Variants in EEF1G observed in about 807,000 individuals in gnomAD.
EEF1G encodes eukaryotic translation elongation factor 1 gamma.
In EEF1G, 14 loss-of-function variants were observed where a neutral mutation model predicts 58.3. That is an observed-to-expected ratio of 0.24 (90% CI 0.16 to 0.38). EEF1G has a LOEUF of 0.38. Ranked by LOEUF, EEF1G falls within the 10% of genes least tolerant of loss-of-function variation. The probability of loss-of-function intolerance (pLI) is 1.00; values close to 1 mark genes in which losing one functional copy is unlikely to be tolerated. For missense variants in EEF1G, 322 were observed against 550.1 expected (o/e 0.59, Z 4.15); for synonymous variants, 180 against 206.8 (o/e 0.87, Z 1.11).
At chr11:62,570,919 T>G (rs1941622557) in intron 5 of EEF1G, 46 bp downstream of exon 5, 2 of 1,611,778 alleles carry the variant, frequency 1.2e-6, no homozygotes, top group Non-Finnish European at 1.7e-6. Context: ...ACTTTGTTTC[T>G]AATCCCCATC....
At chr11:62,559,938 T>C in intron 9 of EEF1G, 101 bp from the exon 10 acceptor site, 2 of 1,606,752 alleles carry the variant, frequency 1.2e-6, no homozygotes. Flanking sequence ...AGGTCTCCTG[T>C]GAACATGAAC....
At chr11:62,568,897 C>T (rs921118287) in intron 5 of EEF1G, among the ~76,000 whole-genome samples, 5 of 151,326 alleles carry the variant, frequency 3.3e-5, no homozygotes, top group African/African-American at 1.2e-4. Flanking sequence ...CACTTGAACC[C>T]GGGAGGCAGA....
chr11:62,560,507 TAAGAG>T, intron 7 of EEF1G, 53 bp from the exon 8 acceptor site: 1 of 1,574,656 alleles, frequency 6.4e-7, no homozygotes, highest in Non-Finnish European at 8.6e-7. Context: ...GTTGCCAGGC[TAAGAG>T]AAGTGAAGGG....
chr11:62,561,852 G>A lies in EEF1G; in HGVS notation c.858-1398C>T, dbSNP rs543960779. On this transcript the variant is annotated intron_variant, in intron 7 of 9. Coordinates refer to ENST00000329251, the MANE Select transcript of EEF1G (RefSeq NM_001404.5). Reference sequence around the variant, plus strand: ...TAAGACTCTCTCTCTAGCTGGGAAAGCCGGACAAACTCCAATTGACCCTTT... The same window carrying A: ...TAAGACTCTCTCTCTAGCTGGGAAAACCGGACAAACTCCAATTGACCCTTT... Among the ~76,000 whole-genome samples the A allele has an allele frequency of 2.6e-5, 4 of 152,222 alleles. No homozygotes were observed. In the East Asian group the frequency reaches 5.8e-4, roughly 22 times the overall value.
intron 5 of EEF1G, among the ~76,000 whole-genome samples, chr11:62,569,101 AC>A (rs1008727367): frequency 6.6e-6 from 1 of 150,874 alleles, no homozygotes; most frequent in African/African-American, 2.4e-5. Flanking sequence ...ACACACACAC[AC>A]CCCCCACACC....
intron 7 of EEF1G, among the ~76,000 whole-genome samples, chr11:62,561,162 T>C (rs1941489839): frequency 1.3e-5 from 2 of 152,094 alleles, no homozygotes; most frequent in African/African-American, 4.8e-5. Context: ...TCCCAGCACT[T>C]TGGGAGGCCA....
chr11:62,568,808 C>T (rs1941588787), intron 5 of EEF1G, among the ~76,000 whole-genome samples: 1 of 151,664 alleles, frequency 6.6e-6, no homozygotes, highest in Non-Finnish European at 1.5e-5. Context: ...CCCCGCCTCT[C>T]CTAAAAATAC....
At chr11:62,565,899 G>T (rs1029633841) in intron 7 of EEF1G, among the ~76,000 whole-genome samples, 1 of 152,106 alleles carries the variant, frequency 6.6e-6, no homozygotes, top group Non-Finnish European at 1.5e-5. Context: ...CCTTTAGGCT[G>T]GTTCACCCGG....
intron 7 of EEF1G, among the ~76,000 whole-genome samples, chr11:62,564,703 G>A (rs1941535483): frequency 7.3e-6 from 1 of 136,960 alleles, no homozygotes; most frequent in Non-Finnish European, 1.5e-5. Flanking sequence ...AGGTTGCAGT[G>A]AGCCAAGATT....
intron 1 of EEF1G, chr11:62,573,417 A>C: frequency 4.3e-6 from 1 of 232,002 alleles, no homozygotes; most frequent in Non-Finnish European, 8.6e-6. Flanking sequence ...CTCGCTCCCA[A>C]ACCTCCCTGA....
rs761989563 is a variant in EEF1G at position 62,567,396 on chromosome 11, C to T, written c.652+3G>A. The T allele has an allele frequency of 1.7e-5, 27 of 1,610,004 alleles. No homozygotes were observed. The South Asian group carries it at 3.0e-4, about 18-fold the overall frequency. On this transcript the variant is annotated splice_donor_region_variant and intron_variant, in intron 6 of 9. Coordinates refer to ENST00000329251, the MANE Select transcript of EEF1G (RefSeq NM_001404.5). ...ATATGCCTCCCAGTCTCCTCAGACT[C>T]ACCATCAAACTGGGCCATCTTCTCA...
chr11:62,566,660 A>C (rs1034884053), intron 7 of EEF1G, 146 bp downstream of exon 7: 30 of 784,490 alleles, frequency 3.8e-5, no homozygotes, highest in African/African-American at 7.0e-5. Context: ...ATCAGCCAGA[A>C]AGCTGCTTTA....
chr11:62,559,651 C>T lies in EEF1G; in HGVS notation c.*28G>A, dbSNP rs1941473432. On this transcript the variant is annotated 3_prime_UTR_variant, in exon 10 of 10. Coordinates refer to ENST00000329251, the MANE Select transcript of EEF1G (RefSeq NM_001404.5). ...CCCCCATCTCCCTGAAGGGCAGGTG[C>T]AGGCAGCTAGGTGATGGCAAGAGAT... 1.9e-6 allele frequency: 3 copies of T among 1,612,008 alleles called. No homozygotes were observed. Among genetic ancestry groups the T allele is most frequent in the East Asian group, 2.2e-5 (1 of 44,850 alleles).
Position 62,568,011 on chromosome 11 carries a change from C to T in EEF1G, c.523-483G>A, listed in dbSNP as rs1222715051. Among the ~76,000 whole-genome samples the T allele has an allele frequency of 7.3e-5, 11 of 150,970 alleles. 1 individual carries two copies. The highest frequency in any genetic ancestry group is 9.7e-5 in the African/African-American group (4 of 41,354). ...TGGGATCTCCGAGGCGGGCGGATCA[C>T]GAGGTCAGGAGATCGAGACCATCCT... is the stretch of plus-strand genomic sequence containing the variant. On this transcript the variant is annotated intron_variant, in intron 5 of 9. Coordinates refer to ENST00000329251, the MANE Select transcript of EEF1G (RefSeq NM_001404.5).
chr11:62,571,930 TA>T, intron 2 of EEF1G, 29 bp from the exon 3 acceptor site: 1 of 1,555,260 alleles, frequency 6.4e-7, no homozygotes, highest in Non-Finnish European at 8.7e-7. Context: ...AAAGATAAGG[TA>T]AAACACACAA....
intron 7 of EEF1G, among the ~76,000 whole-genome samples, chr11:62,564,454 ACT>A (rs1457875932): frequency 1.5e-5 from 2 of 132,778 alleles, no homozygotes; most frequent in African/African-American, 5.9e-5. Context: ...ACAGAGTGAG[ACT>A]CTGTCTCACA....
chr11:62,573,790 G>C, intron 1 of EEF1G, 41 bp downstream of exon 1: 1 of 1,613,336 alleles, frequency 6.2e-7, no homozygotes, highest in East Asian at 2.2e-5. Flanking sequence ...AAGGATGGCG[G>C]TGGATAGGAT....
chr11:62,567,392 G>T lies in EEF1G; in HGVS notation c.652+7C>A. 6.2e-7 allele frequency: 1 copy of T among 1,609,416 alleles called. No homozygotes were observed. Among genetic ancestry groups the T allele is most frequent in the South Asian group, 1.1e-5 (1 of 90,226 alleles). On this transcript the variant is annotated splice_region_variant and intron_variant, in intron 6 of 9. Transcript: ENST00000329251. ...GGCCATATGCCTCCCAGTCTCCTCA[G>T]ACTCACCATCAAACTGGGCCATCTT...
intron 5 of EEF1G, among the ~76,000 whole-genome samples, chr11:62,570,320 C>T (rs1390757058): frequency 6.6e-6 from 1 of 152,104 alleles, no homozygotes; most frequent in Non-Finnish European, 1.5e-5. Flanking sequence ...CCTAGGCCTC[C>T]CAAAGTGCTG....
Sources: allele counts gnomAD v4.1 joint callset (sites outside exome capture counted in the v4.1 genomes callset), GRCh38; gene constraint gnomAD v4.1.1; transcripts MANE v1.5; gene names NCBI Gene and HGNC (gene_info 2026-07-23, HGNC 2026-07-21).